NAV3: variants seen among roughly 807,000 people sequenced by gnomAD.
NAV3 encodes pore membrane and/or filament interacting like protein 1.
A neutral mutation model predicts 244.7 loss-of-function variants in NAV3; 87 were observed. The observed-to-expected ratio is 0.36, with a 90% CI of 0.30 to 0.42. NAV3 has a LOEUF of 0.42. NAV3 is among the 20% of genes least tolerant of loss of function. The pLI, the probability that NAV3 is intolerant of heterozygous loss-of-function variation, is 1.00. For synonymous variants in NAV3, 1,126 were observed against 1,042.2 expected (o/e 1.08, Z -1.55); for missense variants, 2,663 against 2,893.3 (o/e 0.92, Z 1.83).
intron 1 of NAV3, among the ~76,000 whole-genome samples, chr12:77,835,113 C>T (rs556968062): frequency 6.6e-6 from 1 of 152,206 alleles, no homozygotes; most frequent in East Asian, 1.9e-4. Flanking sequence ...TTTTGGTTGC[C>T]ATCATCGATT....
intron 2 of NAV3, among the ~76,000 whole-genome samples, chr12:77,720,243 T>C (rs765885191): frequency 7.3e-5 from 11 of 151,028 alleles, no homozygotes; most frequent in Non-Finnish European, 8.9e-5. Flanking sequence ...CCTGTTTCTT[T>C]ATGTGCCTTG....
chr12:78,154,547 T>C (rs1158735964), intron 22 of NAV3, among the ~76,000 whole-genome samples: 1 of 151,316 alleles, frequency 6.6e-6, no homozygotes, highest in African/African-American at 2.4e-5. Flanking sequence ...GCCTAATACA[T>C]TGTATGATTC....
intron 16 of NAV3, among the ~76,000 whole-genome samples, chr12:78,126,657 A>T (rs1225489833): frequency 2.0e-5 from 3 of 152,218 alleles, no homozygotes; most frequent in Non-Finnish European, 4.4e-5. Flanking sequence ...TTAAGCAAAC[A>T]TTCATATATC....
intron 9 of NAV3, among the ~76,000 whole-genome samples, chr12:78,024,923 C>T (rs967803369): frequency 1.9e-4 from 29 of 151,500 alleles, no homozygotes; most frequent in African/African-American, 5.1e-4. Flanking sequence ...TGCAGTGAGC[C>T]GAGATAGCGC....
At chr12:77,660,779 C>T (rs1318679113) in intron 2 of NAV3, among the ~76,000 whole-genome samples, 1 of 152,096 alleles carries the variant, frequency 6.6e-6, no homozygotes, top group Non-Finnish European at 1.5e-5. Context: ...CCCAACCAAC[C>T]ATGGAACTAG....
intron 12 of NAV3, among the ~76,000 whole-genome samples, chr12:78,103,259 CA>C (rs1566135193): frequency 6.6e-6 from 1 of 152,174 alleles, no homozygotes; most frequent in Non-Finnish European, 1.5e-5. Context: ...ATCTCTAGGG[CA>C]GGGGCAAAAT....
chr12:78,200,910 T>C (rs1196836768), intron 38 of NAV3, among the ~76,000 whole-genome samples: 1 of 151,972 alleles, frequency 6.6e-6, no homozygotes, highest in Non-Finnish European at 1.5e-5. Context: ...GACACAGCCA[T>C]GTTTACATGA....
intron 2 of NAV3, among the ~76,000 whole-genome samples, chr12:77,728,907 A>ATCC (rs1217583496): frequency 6.6e-6 from 1 of 151,682 alleles, no homozygotes; most frequent in Non-Finnish European, 1.5e-5. Context: ...ATCCCTACTC[A>ATCC]TCCTCCTCCT....
rs1348536835 is a variant in NAV3 at position 78,142,716 on chromosome 12, C to CAT, written c.4683+2389_4683+2390dup. On this transcript the variant is annotated intron_variant, in intron 20 of 39. Coordinates refer to ENST00000397909, the MANE Select transcript of NAV3 (RefSeq NM_001024383.2). The stretch of plus-strand genomic sequence containing the variant: ...ATACATATGTATGTGTATATATATA[C>CAT]ATATATATGTGTGTGTGTGTGTATA... Among the ~76,000 whole-genome samples, 3 of 55,684 alleles carry CAT rather than the reference C, an allele frequency of 5.4e-5. 1 individual carries two copies. Among genetic ancestry groups the CAT allele is most frequent in the Non-Finnish European group, 1.1e-4 (3 of 27,400 alleles). The allele number at this position is 55,684 out of a possible 152,430, so 36.5% of individuals were successfully genotyped here.
intron 2 of NAV3, among the ~76,000 whole-genome samples, chr12:77,745,566 GA>G (rs1868493963): frequency 6.6e-6 from 1 of 152,026 alleles, no homozygotes; most frequent in African/African-American, 2.4e-5. Flanking sequence ...ATAATCTCTG[GA>G]AATTAAGAAG....
At chr12:77,872,524 CTT>C (rs1881131159) in intron 1 of NAV3, among the ~76,000 whole-genome samples, 1 of 152,054 alleles carries the variant, frequency 6.6e-6, no homozygotes, top group African/African-American at 2.4e-5. Context: ...GGGCAGGAGA[CTT>C]TATGCTTGGG....
chr12:78,055,243 CATATATATGCACACATATGTGT>C (rs1883315180), intron 11 of NAV3, among the ~76,000 whole-genome samples: 2 of 1,052 alleles, frequency 1.9e-3, no homozygotes, highest in Admixed American at 0.015. Flanking sequence ...TGTATATATA[CATATATATGCACACATATGTGT>C]ATATATACAT....
At chr12:78,148,395 G>A (rs904320037) in intron 21 of NAV3, among the ~76,000 whole-genome samples, 1 of 151,642 alleles carries the variant, frequency 6.6e-6, no homozygotes, top group Non-Finnish European at 1.5e-5. Context: ...AAATTAAAAT[G>A]TACAGAGGAA....
intron 24 of NAV3, among the ~76,000 whole-genome samples, chr12:78,170,060 AT>A (rs1192440825): frequency 1.3e-5 from 2 of 151,676 alleles, no homozygotes; most frequent in Non-Finnish European, 2.9e-5. Flanking sequence ...TCTAGCTGTA[AT>A]TTTTATTAAT....
At position 78,077,662 on chromosome 12, in the gene NAV3, G is replaced by A. The variant is rs149463681; in HGVS notation, c.2636+18547G>A. 2.7e-3 allele frequency among the ~76,000 whole-genome samples: 412 copies of A among 152,230 alleles called. 4 individuals are homozygous for A. Among genetic ancestry groups the A allele is most frequent in the African/African-American group, 8.9e-3 (371 of 41,548 alleles). On this transcript the variant is annotated intron_variant, in intron 12 of 39. Coordinates refer to ENST00000397909, the MANE Select transcript of NAV3 (RefSeq NM_001024383.2). Reference sequence around the variant, plus strand: ...TAAGCAACAGAAACATATTGTCCAGGCACAGTGGCTCATGCCTATAATCCC... The same window carrying A: ...TAAGCAACAGAAACATATTGTCCAGACACAGTGGCTCATGCCTATAATCCC...
rs78198243 is a variant in NAV3 at position 77,675,886 on chromosome 12, C to T, written c.72+103620C>T. Among the ~76,000 whole-genome samples the T allele has an allele frequency of 7.3e-3, 1,107 of 152,218 alleles. 18 individuals carry two copies. The highest frequency in any genetic ancestry group is 0.025 in the African/African-American group (1,056 of 41,534). On this transcript the variant is annotated intron_variant, in intron 2 of 8. Transcript: ENST00000550042. ...ATCTACCTGGTTGACACATGGCCTT[C>T]TGTCCTGGACTTTGATCCTGGCCAG...
chr12:77,770,489 T>A (rs981321201), intron 2 of NAV3, among the ~76,000 whole-genome samples: 2 of 152,204 alleles, frequency 1.3e-5, no homozygotes, highest in Non-Finnish European at 2.9e-5. Flanking sequence ...GATTTTTGCC[T>A]AAACTTCTTT....
chr12:78,091,795 C>CAAAAAAAAAAAAAAAAAAAAAAAA (rs57863867), intron 12 of NAV3: 16 of 103,832 alleles, frequency 1.5e-4, no homozygotes, highest in African/African-American at 6.8e-4. Context: ...GACTCCGTCT[C>CAAAAAAAAAAAAAAAAAAAAAAAA]AAAAAAAAAA....
intron 11 of NAV3, chr12:78,052,054 A>G (rs1203803219): frequency 6.6e-6 from 1 of 152,182 alleles, no homozygotes; most frequent in Non-Finnish European, 1.5e-5. Flanking sequence ...TAATATGTGG[A>G]AAAGCTTCCC....
Sources: allele counts gnomAD v4.1 joint callset (sites outside exome capture counted in the v4.1 genomes callset), GRCh38; gene constraint gnomAD v4.1.1; transcripts MANE v1.5; gene names NCBI Gene and HGNC (gene_info 2026-07-23, HGNC 2026-07-21).